SGMS1: variants seen among roughly 807,000 people sequenced by gnomAD.
SGMS1 encodes sphingomyelin synthase 1, also known as phosphatidylcholine:ceramide cholinephosphotransferase 1.
SGMS1 carries 13 observed loss-of-function variants against 46.2 expected under a neutral mutation model. The observed-to-expected ratio is 0.28, with a 90% CI of 0.18 to 0.45. The LOEUF (loss-of-function observed/expected upper bound fraction) is 0.45, where lower values mean the gene tolerates loss of function less well. Among genes scored for constraint, SGMS1 ranks in the 20% least tolerant of loss-of-function variants. The pLI is 1.00. For missense variants in SGMS1, 324 were observed against 519.9 expected (o/e 0.62, Z 3.66); for synonymous variants, 203 against 187.8 (o/e 1.08, Z -0.66).
intron 3 of SGMS1, among the ~76,000 whole-genome samples, chr10:50,519,085 AG>A (rs1245616116): frequency 6.6e-6 from 1 of 152,082 alleles, no homozygotes; most frequent in Non-Finnish European, 1.5e-5. Flanking sequence ...ACAACATAAC[AG>A]GGCAAAAAAA....
chr10:50,383,707 CTATT>C (rs575730694), intron 6 of SGMS1, among the ~76,000 whole-genome samples: 43 of 151,962 alleles, frequency 2.8e-4, no homozygotes, highest in Non-Finnish European at 5.9e-4. Flanking sequence ...AAATATTGCT[CTATT>C]TACACACACA....
chr10:50,574,997 TACTC>T (rs569736305), intron 2 of SGMS1, among the ~76,000 whole-genome samples: 179 of 57,298 alleles, frequency 3.1e-3, no homozygotes, highest in Middle Eastern at 0.011. Context: ...AACAAAGTAT[TACTC>T]AGCCTTAAAA....
At position 50,344,360 on chromosome 10, in the gene SGMS1, G is replaced by A; in HGVS notation, c.-231-15C>T. 1 of 457,226 alleles carries A rather than the reference G, an allele frequency of 2.2e-6. No individual in the cohort carries two copies. The highest frequency in any genetic ancestry group is 3.8e-6 in the Non-Finnish European group (1 of 261,186). The allele number at this position is 457,226 out of a possible 1,614,324, so 28.3% of individuals were successfully genotyped here. ...GATTCTTCCTTCTGTGAAAGCAAGA[G>A]AAAATATCAAGATGCTGTACTTCCA... is the stretch of plus-strand genomic sequence containing the variant. On this transcript the variant is annotated splice_polypyrimidine_tract_variant and intron_variant, in intron 6 of 10. Coordinates refer to ENST00000361781, the MANE Select transcript of SGMS1 (RefSeq NM_147156.4).
At chr10:50,520,302 A>G (rs985373000) in intron 2 of SGMS1, among the ~76,000 whole-genome samples, 3 of 152,142 alleles carry the variant, frequency 2.0e-5, no homozygotes, top group Non-Finnish European at 4.4e-5. Flanking sequence ...AGGTAAAAGG[A>G]TCACTTAAGA....
intron 3 of SGMS1, among the ~76,000 whole-genome samples, chr10:50,476,665 C>G (rs1837430788): frequency 6.6e-6 from 1 of 152,130 alleles, no homozygotes; most frequent in Non-Finnish European, 1.5e-5. Context: ...TTTTGTGGGC[C>G]AGGCCTAGGA....
chr10:50,587,546 C>T (rs1017590894), intron 2 of SGMS1, among the ~76,000 whole-genome samples: 1 of 152,048 alleles, frequency 6.6e-6, no homozygotes, highest in Non-Finnish European at 1.5e-5. Context: ...ATCGCTTGAA[C>T]CCAGAAGGCG....
At chr10:50,323,902 G>A (rs1386872381) in intron 8 of SGMS1, among the ~76,000 whole-genome samples, 1 of 152,168 alleles carries the variant, frequency 6.6e-6, no homozygotes, top group Non-Finnish European at 1.5e-5. Context: ...TATTACATAA[G>A]TTACAAATTT....
intron 2 of SGMS1, among the ~76,000 whole-genome samples, chr10:50,546,616 A>G (rs1020131822): frequency 4.6e-5 from 7 of 152,138 alleles, no homozygotes; most frequent in Non-Finnish European, 1.0e-4. Context: ...GCAAACTATC[A>G]CAAGGACAAA....
chr10:50,356,241 A>G (rs529404910), intron 6 of SGMS1, among the ~76,000 whole-genome samples: 2 of 152,330 alleles, frequency 1.3e-5, no homozygotes, highest in East Asian at 3.9e-4. Flanking sequence ...GGATGCTGTT[A>G]ATCTATAAAC....
At chr10:50,551,862 T>C (rs1838151641) in intron 2 of SGMS1, among the ~76,000 whole-genome samples, 1 of 152,116 alleles carries the variant, frequency 6.6e-6, no homozygotes, top group South Asian at 2.1e-4. Flanking sequence ...GAGTAAGCTT[T>C]CTGACACACA....
At chr10:50,344,806 A>G (rs1847889660) in intron 6 of SGMS1, among the ~76,000 whole-genome samples, 1 of 151,768 alleles carries the variant, frequency 6.6e-6, no homozygotes, top group Admixed American at 6.6e-5. Flanking sequence ...CGGGAGGCGG[A>G]GCTTGCAGTG....
chr10:50,562,651 C>G (rs553494903), intron 2 of SGMS1, among the ~76,000 whole-genome samples: 1 of 152,330 alleles, frequency 6.6e-6, no homozygotes, highest in South Asian at 2.1e-4. Context: ...TCACACCATT[C>G]TCCTGCCTCA....
intron 7 of SGMS1, among the ~76,000 whole-genome samples, chr10:50,329,288 A>T (rs533896859): frequency 1.4e-3 from 220 of 152,330 alleles, no homozygotes; most frequent in African/African-American, 5.2e-3. Flanking sequence ...GAAAAGACAA[A>T]TACATAAAAT....
chr10:50,395,658 C>T (rs1848839121), intron 6 of SGMS1, among the ~76,000 whole-genome samples: 1 of 152,168 alleles, frequency 6.6e-6, no homozygotes, highest in Non-Finnish European at 1.5e-5. Context: ...GGTAAACAGT[C>T]TTACCAAAAG....
chr10:50,600,910 C>G (rs1838644223), intron 1 of SGMS1, among the ~76,000 whole-genome samples: 1 of 152,090 alleles, frequency 6.6e-6, no homozygotes, highest in Non-Finnish European at 1.5e-5. Flanking sequence ...GAGAGTAGAG[C>G]AGCAAGGAAC....
intron 5 of SGMS1, among the ~76,000 whole-genome samples, chr10:50,457,428 T>C (rs1375679334): frequency 6.6e-6 from 1 of 152,238 alleles, no homozygotes; most frequent in Non-Finnish European, 1.5e-5. Flanking sequence ...TCTTCTTTTC[T>C]ACTTTTATCT....
intron 6 of SGMS1, among the ~76,000 whole-genome samples, chr10:50,347,574 A>G (rs1271680908): frequency 6.6e-6 from 1 of 152,218 alleles, no homozygotes; most frequent in African/African-American, 2.4e-5. Context: ...AAACACTCTC[A>G]GCAGAGTTAG....
At chr10:50,562,385 C>G (rs1170588680) in intron 2 of SGMS1, among the ~76,000 whole-genome samples, 1 of 150,582 alleles carries the variant, frequency 6.6e-6, no homozygotes, top group Non-Finnish European at 1.5e-5. Context: ...CACTCACACA[C>G]GGGCGCGCAT....
chr10:50,576,789 A>G (rs1228653586), intron 2 of SGMS1, among the ~76,000 whole-genome samples: 1 of 152,244 alleles, frequency 6.6e-6, no homozygotes, highest in African/African-American at 2.4e-5. Context: ...GCTTCTGCCA[A>G]TAGAAGTGTG....
Sources: allele counts gnomAD v4.1 joint callset (sites outside exome capture counted in the v4.1 genomes callset), GRCh38; gene constraint gnomAD v4.1.1; transcripts MANE v1.5; gene names NCBI Gene and HGNC (gene_info 2026-07-23, HGNC 2026-07-21).